The following EPHA6 variants were observed in gnomAD, a reference collection of about 807,000 sequenced individuals.
EPHA6 encodes the protein EPH receptor A6.
Under a neutral mutation model 112.0 loss-of-function variants are expected in EPHA6, and 50 were observed. That is an observed-to-expected ratio of 0.45 (90% CI 0.36 to 0.56). EPHA6 has a LOEUF of 0.56. Ranked by LOEUF, EPHA6 falls within the 20% of genes least tolerant of loss-of-function variation. The probability of loss-of-function intolerance (pLI) is 0.00; values close to 1 mark genes in which losing one functional copy is unlikely to be tolerated. For synonymous variants in EPHA6, 529 were observed against 490.7 expected, an observed-to-expected ratio of 1.08 and a Z score of -1.03; for missense variants, 1,280 against 1,417.4, an observed-to-expected ratio of 0.90 and a Z score of 1.56.
At chr3:97,556,543 AACTC>A (rs1577765137) in intron 11 of EPHA6, among the ~76,000 whole-genome samples, 1 of 152,000 alleles carries the variant, frequency 6.6e-6, no homozygotes, top group East Asian at 1.9e-4. Flanking sequence ...ATCTTTTAAG[AACTC>A]ACTCACTATC....
At chr3:97,294,704 T>C (rs538866228) in intron 5 of EPHA6, among the ~76,000 whole-genome samples, 1 of 152,292 alleles carries the variant, frequency 6.6e-6, no homozygotes, top group East Asian at 1.9e-4. Context: ...TACCAGTGCA[T>C]TTTATACATT....
intron 3 of EPHA6, among the ~76,000 whole-genome samples, chr3:97,050,914 T>C (rs2045665321): frequency 6.6e-6 from 1 of 152,180 alleles, no homozygotes; most frequent in Non-Finnish European, 1.5e-5. Context: ...CAGCATAACC[T>C]TGGAATTCAC....
At chr3:97,533,096 G>C (rs2092713783) in intron 11 of EPHA6, among the ~76,000 whole-genome samples, 1 of 151,788 alleles carries the variant, frequency 6.6e-6, no homozygotes, top group Non-Finnish European at 1.5e-5. Context: ...CCTTTGAAAA[G>C]AAATGTTTTC....
chr3:96,826,414 TAA>T (rs1185746937), intron 1 of EPHA6, among the ~76,000 whole-genome samples: 1 of 152,060 alleles, frequency 6.6e-6, no homozygotes, highest in East Asian at 1.9e-4. Context: ...ACTAGAATAT[TAA>T]GAGGCTTAAA....
intron 10 of EPHA6, among the ~76,000 whole-genome samples, chr3:97,501,314 A>G (rs1026114013): frequency 2.0e-5 from 3 of 151,538 alleles, no homozygotes; most frequent in Admixed American, 6.6e-5. Context: ...ACAATTTAAA[A>G]ATTCTATCTT....
intron 11 of EPHA6, among the ~76,000 whole-genome samples, chr3:97,584,819 G>A (rs533370472): frequency 6.6e-5 from 10 of 152,226 alleles, no homozygotes; most frequent in South Asian, 2.1e-4. Context: ...ATTGCCAACC[G>A]CTAATAGGCA....
At chr3:97,175,101 CATT>C (rs2076801444) in intron 3 of EPHA6, among the ~76,000 whole-genome samples, 1 of 151,850 alleles carries the variant, frequency 6.6e-6, no homozygotes, top group Non-Finnish European at 1.5e-5. Flanking sequence ...GGTCTAGTTT[CATT>C]ATTTTGCATG....
At chr3:97,121,271 C>T (rs1353064605) in intron 3 of EPHA6, among the ~76,000 whole-genome samples, 1 of 151,954 alleles carries the variant, frequency 6.6e-6, no homozygotes, top group African/African-American at 2.4e-5. Flanking sequence ...ATTCCCAAGC[C>T]ACATTTAAGT....
chr3:97,413,491 T>G (rs139476793), intron 6 of EPHA6, among the ~76,000 whole-genome samples: 5 of 152,078 alleles, frequency 3.3e-5, no homozygotes, highest in Middle Eastern at 3.4e-3. Context: ...ATTTTATGTG[T>G]GAAAACAGGG....
At chr3:96,832,265 AGAGTTT>A (rs1165141967) in intron 1 of EPHA6, among the ~76,000 whole-genome samples, 2 of 152,116 alleles carry the variant, frequency 1.3e-5, no homozygotes, top group Non-Finnish European at 2.9e-5. Flanking sequence ...AAGAGTCTAT[AGAGTTT>A]AACAGTTCAG....
At chr3:97,028,478 T>A (rs1044218729) in intron 3 of EPHA6, among the ~76,000 whole-genome samples, 2 of 152,102 alleles carry the variant, frequency 1.3e-5, no homozygotes, top group Admixed American at 6.6e-5. Context: ...ACAGTTGCGA[T>A]TACTTAAAAC....
intron 6 of EPHA6, among the ~76,000 whole-genome samples, chr3:97,431,561 A>AT (rs1162363019): frequency 1.3e-5 from 2 of 152,094 alleles, no homozygotes; most frequent in East Asian, 1.9e-4. Flanking sequence ...GATTCGTGTG[A>AT]TTTTTATGGA....
At chr3:97,491,479 G>A (rs1008501875) in intron 10 of EPHA6, among the ~76,000 whole-genome samples, 2 of 152,170 alleles carry the variant, frequency 1.3e-5, no homozygotes, top group African/African-American at 4.8e-5. Flanking sequence ...ATGATCAACT[G>A]ACCAGGAGGG....
chr3:97,406,493 T>C (rs967779124), intron 6 of EPHA6, among the ~76,000 whole-genome samples: 1 of 152,114 alleles, frequency 6.6e-6, no homozygotes, highest in African/African-American at 2.4e-5. Flanking sequence ...AGCCATAGTC[T>C]TCATGGCCTA....
At chr3:96,827,181 T>A (rs775296191) in intron 1 of EPHA6, among the ~76,000 whole-genome samples, 8 of 152,194 alleles carry the variant, frequency 5.3e-5, no homozygotes, top group Non-Finnish European at 1.0e-4. Flanking sequence ...TCCTAAAGCC[T>A]CACACACGTT....
At chr3:97,557,708 T>A (rs924252213) in intron 11 of EPHA6, among the ~76,000 whole-genome samples, 2 of 151,912 alleles carry the variant, frequency 1.3e-5, no homozygotes, top group African/African-American at 4.8e-5. Context: ...ACTCAGAGTG[T>A]GCATGCTAGA....
At chr3:97,488,314 T>G (rs984857206) in intron 10 of EPHA6, among the ~76,000 whole-genome samples, 2 of 152,216 alleles carry the variant, frequency 1.3e-5, no homozygotes, top group African/African-American at 4.8e-5. Context: ...GTTTTAACTG[T>G]TGGTTTCTCA....
intron 5 of EPHA6, among the ~76,000 whole-genome samples, chr3:97,266,604 A>G (rs1048009119): frequency 1.3e-5 from 2 of 152,210 alleles, no homozygotes; most frequent in African/African-American, 2.4e-5. Context: ...TGTAAATCCA[A>G]TACAAAAGAA....
chr3:97,174,422 G>A (rs2076779488), intron 3 of EPHA6, among the ~76,000 whole-genome samples: 1 of 151,800 alleles, frequency 6.6e-6, no homozygotes, highest in South Asian at 2.1e-4. Flanking sequence ...CTTAGCATTA[G>A]GATTGCTGGA....
Sources: gnomAD v4.1 joint callset for allele counts (sites outside exome capture counted in the v4.1 genomes callset) on GRCh38, gnomAD v4.1.1 for gene constraint, MANE v1.5 for transcripts, NCBI Gene and HGNC (gene_info 2026-07-23, HGNC 2026-07-21) for gene names.